DTNB: variants seen among roughly 807,000 people sequenced by gnomAD.
DTNB encodes the protein DTN-B.
Under a neutral mutation model 90.7 loss-of-function variants are expected in DTNB, and 63 were observed. That is an observed-to-expected ratio of 0.69 (90% CI 0.57 to 0.86). The LOEUF (loss-of-function observed/expected upper bound fraction) is 0.86, where lower values mean the gene tolerates loss of function less well. DTNB is among the 40% of genes least tolerant of loss of function. DTNB has a pLI of 0.00. For synonymous variants in DTNB, 277 were observed against 286.7 expected (o/e 0.97, Z 0.34); for missense variants, 744 against 807.1 (o/e 0.92, Z 0.95).
At position 25,496,661 on chromosome 2, in the gene DTNB, T is replaced by C. The variant is rs1040353691; in HGVS notation, c.1002-13788A>G. ...AAGTTCAAGACGAGCGTGGCCAACATGTAAAGCCCTATCTCTACTAAAAAT... is the reference window on the plus strand; with the variant it reads ...AAGTTCAAGACGAGCGTGGCCAACACGTAAAGCCCTATCTCTACTAAAAAT... On this transcript the variant is annotated intron_variant, in intron 9 of 20. Coordinates refer to ENST00000406818, the MANE Select transcript of DTNB (RefSeq NM_021907.5). Among the ~76,000 whole-genome samples, 5 of 152,070 alleles carry C rather than the reference T, an allele frequency of 3.3e-5. No homozygotes were observed. In the East Asian group the frequency reaches 7.7e-4, roughly 24 times the overall value.
intron 6 of DTNB, among the ~76,000 whole-genome samples, chr2:25,581,113 C>T (rs190889646): frequency 8.6e-4 from 131 of 152,004 alleles, no homozygotes; most frequent in Middle Eastern, 3.4e-3. Flanking sequence ...GCAAATAAAC[C>T]ATTTAAAAGT....
intron 10 of DTNB, among the ~76,000 whole-genome samples, chr2:25,481,080 T>A (rs1415715307): frequency 2.6e-4 from 39 of 152,234 alleles, no homozygotes; most frequent in African/African-American, 9.4e-4. Context: ...TAGATATTAT[T>A]TTTGTCCCCA....
At chr2:25,448,505 C>T (rs1289433357) in intron 12 of DTNB, among the ~76,000 whole-genome samples, 5 of 152,198 alleles carry the variant, frequency 3.3e-5, no homozygotes, top group Admixed American at 2.0e-4. Flanking sequence ...CAATCAAACC[C>T]TTATTCAACA....
chr2:25,569,969 C>A (rs1239240616), intron 8 of DTNB, among the ~76,000 whole-genome samples: 2 of 151,890 alleles, frequency 1.3e-5, no homozygotes, highest in South Asian at 4.2e-4. Flanking sequence ...TGGTGGCGGG[C>A]GCCTGTAATC....
chr2:25,443,761 C>T (rs2057946664), intron 12 of DTNB, among the ~76,000 whole-genome samples: 2 of 152,052 alleles, frequency 1.3e-5, no homozygotes, highest in Admixed American at 6.6e-5. Flanking sequence ...ATGGATGGGC[C>T]CTAAATCCAG....
chr2:25,668,743 T>C (rs2085107824), intron 1 of DTNB, among the ~76,000 whole-genome samples: 1 of 152,214 alleles, frequency 6.6e-6, no homozygotes, highest in African/African-American at 2.4e-5. Flanking sequence ...ATGTATATTG[T>C]TTTAAAAACT....
At chr2:25,592,820 T>C (rs750099097) in intron 6 of DTNB, among the ~76,000 whole-genome samples, 4 of 152,170 alleles carry the variant, frequency 2.6e-5, no homozygotes, top group Non-Finnish European at 2.9e-5. Context: ...CTACATGGCT[T>C]TGTAAATAGA....
intron 1 of DTNB, among the ~76,000 whole-genome samples, chr2:25,657,818 A>G (rs1271742388): frequency 6.6e-6 from 1 of 152,262 alleles, no homozygotes; most frequent in Admixed American, 6.5e-5. Context: ...ACCAAAGAAG[A>G]TACACAGATG....
chr2:25,416,750 T>C (rs2048027122), intron 16 of DTNB, among the ~76,000 whole-genome samples: 1 of 148,100 alleles, frequency 6.8e-6, no homozygotes, highest in Non-Finnish European at 1.5e-5. Flanking sequence ...GACATTTTGA[T>C]AGGAAAGAAA....
intron 6 of DTNB, among the ~76,000 whole-genome samples, chr2:25,583,170 C>A (rs1421606769): frequency 2.0e-5 from 3 of 150,416 alleles, no homozygotes; most frequent in Non-Finnish European, 4.4e-5. Flanking sequence ...TGGCTTGAAC[C>A]CAGGAAGCAA....
intron 9 of DTNB, among the ~76,000 whole-genome samples, chr2:25,504,453 AAAGGAAGGAAGG>A (rs369074636): frequency 6.7e-6 from 1 of 149,514 alleles, no homozygotes; most frequent in East Asian, 2.0e-4. Context: ...AGAAGGAAAG[AAAGGAAGGAAGG>A]AAGGAAGGAA....
At chr2:25,558,957 C>T (rs1243778192) in intron 8 of DTNB, among the ~76,000 whole-genome samples, 2 of 152,092 alleles carry the variant, frequency 1.3e-5, no homozygotes, top group African/African-American at 4.8e-5. Context: ...TTTCAGAGCA[C>T]TTCTCCCCAG....
chr2:25,570,048 G>C (rs1225608065), intron 8 of DTNB, among the ~76,000 whole-genome samples: 1 of 150,004 alleles, frequency 6.7e-6, no homozygotes, highest in Non-Finnish European at 1.5e-5. Flanking sequence ...AGTGAGCCGA[G>C]ATCGTGCCCC....
Position 25,432,995 on chromosome 2 carries a change from T to C in DTNB, c.1348A>G (p.Ile450Val), listed in dbSNP as rs1473537181. The C allele has an allele frequency of 1.0e-5, 16 of 1,604,108 alleles. No homozygotes were observed. The highest frequency in any genetic ancestry group is 1.4e-5 in the Non-Finnish European group (16 of 1,176,676). ...IAELENKNREILQEIQRLRLE... is the reference protein window; with the variant it reads ...IAELENKNREVLQEIQRLRLE... ...CGGAGACGCTGAATCTCCTGCAGGA[T>C]CTCTCTAGAGAGGATGGGTGAACGG... The change falls in exon 14 of 21, where the codon ATC becomes GTC. Residue 450 changes from isoleucine to valine, a missense_variant. Coordinates refer to ENST00000406818, the MANE Select transcript of DTNB (RefSeq NM_021907.5).
At position 25,643,242 on chromosome 2, in the gene DTNB, C is replaced by A. The variant is rs114967287; in HGVS notation, c.68-4148G>T. 6.9e-3 allele frequency among the ~76,000 whole-genome samples: 1,057 copies of A among 152,286 alleles called. 15 individuals are homozygous for A. Among genetic ancestry groups the A allele is most frequent in the African/African-American group, 0.024 (1,011 of 41,542 alleles). ...CTCGGGGCCTTCACAAGTGCTACCG[C>A]CCCAGCCCTTCCTTCACCTCCTCAG... On this transcript the variant is annotated intron_variant, in intron 2 of 20. Transcript: ENST00000406818.
chr2:25,426,967 G>T (rs1441398359), intron 15 of DTNB, among the ~76,000 whole-genome samples: 1 of 152,198 alleles, frequency 6.6e-6, no homozygotes, highest in African/African-American at 2.4e-5. Context: ...CCTGAGGTCA[G>T]GAGTTTGAGA....
chr2:25,504,970 C>G (rs2072006868), intron 9 of DTNB, among the ~76,000 whole-genome samples: 1 of 152,194 alleles, frequency 6.6e-6, no homozygotes, highest in Non-Finnish European at 1.5e-5. Flanking sequence ...TACTAACTTT[C>G]AAAGTGGGTT....
chr2:25,479,010 C>T lies in DTNB; in HGVS notation c.1079+3786G>A, dbSNP rs557571425. On this transcript the variant is annotated intron_variant, in intron 10 of 20. Transcript: ENST00000406818. The stretch of plus-strand genomic sequence containing the variant: ...CTTTTGTGATCTGTGTACTCTTCTG[C>T]CCTTCCCTTTCTGCTTTTTGCCTTT... Among the ~76,000 whole-genome samples, 17 of 152,302 alleles carry T rather than the reference C, an allele frequency of 1.1e-4. No homozygotes were observed. The South Asian group carries it at 3.3e-3, about 30-fold the overall frequency.
At chr2:25,616,978 C>G (rs181419607) in intron 4 of DTNB, among the ~76,000 whole-genome samples, 105 of 147,334 alleles carry the variant, frequency 7.1e-4, no homozygotes, top group African/African-American at 2.5e-3. Context: ...ATTAACCCCT[C>G]AATTAAGTAT....
Sources: gnomAD v4.1 joint callset for allele counts (sites outside exome capture counted in the v4.1 genomes callset) on GRCh38, gnomAD v4.1.1 for gene constraint, MANE v1.5 for transcripts, NCBI Gene and HGNC (gene_info 2026-07-23, HGNC 2026-07-21) for gene names.